The following CADPS2 variants were observed in gnomAD, a reference collection of about 807,000 sequenced individuals.
CADPS2 encodes calcium-dependent secretion activator 2.
A neutral mutation model predicts 172.5 loss-of-function variants in CADPS2; 93 were observed. The ratio of observed to expected loss-of-function variants is 0.54; its 90% CI spans 0.46 to 0.64. The LOEUF is 0.64. CADPS2 is among the 30% of genes least tolerant of loss of function. The probability of loss-of-function intolerance (pLI) is 0.00; values close to 1 mark genes in which losing one functional copy is unlikely to be tolerated. For missense variants in CADPS2, 1,420 were observed against 1,565.9 expected, an observed-to-expected ratio of 0.91 and a Z score of 1.57; for synonymous variants, 546 against 555.2, an observed-to-expected ratio of 0.98 and a Z score of 0.23.
Position 122,827,335 on chromosome 7 carries a change from A to G in CADPS2, c.339+58664T>C, listed in dbSNP as rs78380347. Among the ~76,000 whole-genome samples, 904 of 152,336 alleles carry G rather than the reference A, an allele frequency of 5.9e-3. 9 individuals are homozygous for G. The highest frequency in any genetic ancestry group is 0.021 in the African/African-American group (867 of 41,572). ...AAATCTCCAGCCCTAGATGGTTTCAAAGAAAATTCTAGTAAATATTTAAAG... is the reference window on the plus strand; with the variant it reads ...AAATCTCCAGCCCTAGATGGTTTCAGAGAAAATTCTAGTAAATATTTAAAG... On this transcript the variant is annotated intron_variant, in intron 1 of 29. Coordinates refer to ENST00000449022, the MANE Select transcript of CADPS2 (RefSeq NM_017954.11).
chr7:122,703,660 AG>A (rs1302579483), intron 2 of CADPS2, among the ~76,000 whole-genome samples: 5 of 152,160 alleles, frequency 3.3e-5, no homozygotes, highest in African/African-American at 1.2e-4. Context: ...AACACACTGT[AG>A]GGTTCTAAGC....
chr7:122,431,494 T>C (rs1358347296), intron 17 of CADPS2, among the ~76,000 whole-genome samples: 1 of 152,108 alleles, frequency 6.6e-6, no homozygotes, highest in Non-Finnish European at 1.5e-5. Flanking sequence ...GTGAGGAATG[T>C]GGGGAAAAAT....
chr7:122,623,951 A>G (rs1347346408), intron 4 of CADPS2, among the ~76,000 whole-genome samples: 1 of 152,178 alleles, frequency 6.6e-6, no homozygotes, highest in Non-Finnish European at 1.5e-5. Flanking sequence ...TTAACTATAA[A>G]CACTTCATGA....
intron 3 of CADPS2, among the ~76,000 whole-genome samples, chr7:122,632,951 G>A (rs528284291): frequency 6.6e-6 from 1 of 152,202 alleles, no homozygotes; most frequent in Admixed American, 6.5e-5. Flanking sequence ...ATTGAAGAGG[G>A]AGTGCTTTCC....
intron 29 of CADPS2, among the ~76,000 whole-genome samples, chr7:122,323,255 A>G (rs1459550151): frequency 6.6e-6 from 1 of 152,158 alleles, no homozygotes; most frequent in Admixed American, 6.5e-5. Flanking sequence ...CCAAGAACAC[A>G]TTGGCTAAGC....
intron 6 of CADPS2, among the ~76,000 whole-genome samples, chr7:122,589,873 C>T (rs1024901604): frequency 6.6e-5 from 10 of 151,714 alleles, no homozygotes; most frequent in African/African-American, 1.9e-4. Context: ...TGTACTTAAA[C>T]GTATATTTTA....
intron 6 of CADPS2, among the ~76,000 whole-genome samples, chr7:122,592,539 G>A (rs1478549897): frequency 3.3e-5 from 5 of 152,188 alleles, no homozygotes; most frequent in African/African-American, 1.2e-4. Context: ...ACATGCACAC[G>A]TATGTTTATT....
intron 10 of CADPS2, among the ~76,000 whole-genome samples, chr7:122,490,846 T>C (rs2058219198): frequency 6.6e-6 from 1 of 152,164 alleles, no homozygotes; most frequent in Non-Finnish European, 1.5e-5. Flanking sequence ...ATTAATGTCA[T>C]TAATATTCAT....
chr7:122,724,917 G>A (rs1210581438), intron 2 of CADPS2, among the ~76,000 whole-genome samples: 2 of 151,920 alleles, frequency 1.3e-5, no homozygotes, highest in East Asian at 1.9e-4. Flanking sequence ...AAGTCCATAC[G>A]ATTACAGAGA....
intron 20 of CADPS2, among the ~76,000 whole-genome samples, chr7:122,394,530 C>T (rs2044799022): frequency 6.6e-6 from 1 of 152,132 alleles, no homozygotes; most frequent in South Asian, 2.1e-4. Context: ...TAAAAATATA[C>T]TCTGTGGTCA....
intron 1 of CADPS2, among the ~76,000 whole-genome samples, chr7:122,866,495 G>T (rs1818353128): frequency 6.6e-6 from 1 of 152,136 alleles, no homozygotes; most frequent in African/African-American, 2.4e-5. Context: ...GAGGTCAGGA[G>T]TTCCAGATCA....
intron 9 of CADPS2, among the ~76,000 whole-genome samples, chr7:122,511,726 G>GA (rs2060017411): frequency 6.6e-6 from 1 of 152,092 alleles, no homozygotes; most frequent in Non-Finnish European, 1.5e-5. Context: ...CTGTTTCCAT[G>GA]AAAAATCAGT....
At chr7:122,455,644 A>C (rs2053672679) in intron 14 of CADPS2, among the ~76,000 whole-genome samples, 1 of 152,156 alleles carries the variant, frequency 6.6e-6, no homozygotes, top group South Asian at 2.1e-4. Flanking sequence ...TGAATTAGTA[A>C]TATGACAAAT....
chr7:122,767,923 A>G (rs960461475), intron 1 of CADPS2, among the ~76,000 whole-genome samples: 2 of 152,098 alleles, frequency 1.3e-5, no homozygotes, highest in South Asian at 4.1e-4. Context: ...CTTGTTTGTT[A>G]TTTCACTAGA....
intron 1 of CADPS2, among the ~76,000 whole-genome samples, chr7:122,858,856 G>A (rs1455429901): frequency 6.6e-6 from 1 of 152,144 alleles, no homozygotes; most frequent in Non-Finnish European, 1.5e-5. Context: ...AAGCAAATAT[G>A]CTACATACAG....
In CADPS2 at chr7:122,860,060, G is replaced by A. The variant is rs199530589; in HGVS notation, c.339+25939C>T. 5.9e-5 allele frequency among the ~76,000 whole-genome samples: 9 copies of A among 152,132 alleles called. No homozygotes were observed. The East Asian group carries it at 1.7e-3, about 29-fold the overall frequency. On this transcript the variant is annotated intron_variant, in intron 1 of 29. Transcript: ENST00000449022. The stretch of plus-strand genomic sequence containing the variant: ...AAATAGAACGTTCTGGGATTTATAA[G>A]TGCACTAATAAAAACTGTAGGATGA...
At chr7:122,564,228 T>G (rs2066113738) in intron 7 of CADPS2, among the ~76,000 whole-genome samples, 1 of 152,112 alleles carries the variant, frequency 6.6e-6, no homozygotes, top group Non-Finnish European at 1.5e-5. Flanking sequence ...CCTTTCCAAG[T>G]TGGAATACTT....
At chr7:122,519,669 T>C (rs906141787) in intron 8 of CADPS2, among the ~76,000 whole-genome samples, 1 of 151,934 alleles carries the variant, frequency 6.6e-6, no homozygotes, top group African/African-American at 2.4e-5. Context: ...GTTTCATTCA[T>C]CTATGACTTA....
At chr7:122,745,836 A>G (rs746064380) in intron 1 of CADPS2, among the ~76,000 whole-genome samples, 4 of 152,072 alleles carry the variant, frequency 2.6e-5, no homozygotes, top group Non-Finnish European at 5.9e-5. Flanking sequence ...GATAATTTCA[A>G]CACACCACAA....
Sources: gnomAD v4.1 joint callset for allele counts (sites outside exome capture counted in the v4.1 genomes callset) on GRCh38, gnomAD v4.1.1 for gene constraint, MANE v1.5 for transcripts, NCBI Gene and HGNC (gene_info 2026-07-23, HGNC 2026-07-21) for gene names.